RBFOX1: variants seen among roughly 807,000 people sequenced by gnomAD.
The protein encoded by RBFOX1 is RNA binding fox-1 homolog 1, also known as RNA binding protein fox-1 homolog 1.
RBFOX1 carries 8 observed loss-of-function variants against 57.7 expected under a neutral mutation model. That is an observed-to-expected ratio of 0.14 (90% CI 0.08 to 0.25). The LOEUF (loss-of-function observed/expected upper bound fraction) is 0.25, where lower values mean the gene tolerates loss of function less well. Ranked by LOEUF, RBFOX1 falls within the 10% of genes least tolerant of loss-of-function variation. RBFOX1 has a pLI of 1.00. For missense variants in RBFOX1, 611 were observed against 548.5 expected (o/e 1.11, Z -1.14); for synonymous variants, 326 against 222.4 (o/e 1.47, Z -4.15).
At chr16:7,062,892 CATTTTTTTTTTTT>C (rs1359174027) in intron 4 of RBFOX1, among the ~76,000 whole-genome samples, 12 of 59,930 alleles carry the variant, frequency 2.0e-4, no homozygotes, top group African/African-American at 4.3e-4. Flanking sequence ...AAATGATCGC[CATTTTTTTTTTTT>C]TTTTTTTTTT....
intron 3 of RBFOX1, among the ~76,000 whole-genome samples, chr16:5,775,666 C>G (rs950760723): frequency 6.6e-6 from 1 of 152,124 alleles, no homozygotes. Flanking sequence ...CTTCAGGGCT[C>G]CAGGAAACAA....
Position 5,862,807 on chromosome 16 carries a change from A to G in RBFOX1, c.319-4496A>G, listed in dbSNP as rs557634886. Among the ~76,000 whole-genome samples, 5 of 152,308 alleles carry G rather than the reference A, an allele frequency of 3.3e-5. No individual in the cohort carries two copies. In the East Asian group the frequency reaches 7.7e-4, roughly 24 times the overall value. On this transcript the variant is annotated intron_variant, in intron 3 of 19. Coordinates refer to the RBFOX1 transcript ENST00000641259. ...TAACACGACCCTATAAAAGTTATAC[A>G]GGGTAGCCCCACGCTGTTCAGCATG... is the stretch of plus-strand genomic sequence containing the variant.
intron 4 of RBFOX1, among the ~76,000 whole-genome samples, chr16:7,213,760 G>A (rs1457256155): frequency 5.3e-5 from 8 of 152,100 alleles, no homozygotes; most frequent in African/African-American, 1.4e-4. Context: ...CATGAATAAC[G>A]GATAGAGCCA....
chr16:6,577,839 G>A (rs1201110647), intron 2 of RBFOX1, among the ~76,000 whole-genome samples: 2 of 152,150 alleles, frequency 1.3e-5, no homozygotes, highest in Non-Finnish European at 2.9e-5. Context: ...AAACCAGATA[G>A]TGAAGCAGGA....
At chr16:6,812,437 G>C (rs547713165) in intron 3 of RBFOX1, among the ~76,000 whole-genome samples, 38 of 152,124 alleles carry the variant, frequency 2.5e-4, no homozygotes, top group Admixed American at 1.3e-3. Flanking sequence ...GCAGTGGCCC[G>C]ATCTCGGCTC....
rs147198715 is a variant in RBFOX1, at chr16:7,065,246, C to A, written c.27+13148C>A. Among the ~76,000 whole-genome samples the A allele has an allele frequency of 5.6e-4, 85 of 152,254 alleles. No homozygotes were observed. In the East Asian group the frequency reaches 0.016, roughly 29 times the overall value. ...ACTTAGAAATTTTGCTTCTATCTAGCTTTCTTGTAGCGAAGGTAGAAGGTG... is the reference window on the plus strand; with the variant it reads ...ACTTAGAAATTTTGCTTCTATCTAGATTTCTTGTAGCGAAGGTAGAAGGTG... On this transcript the variant is annotated intron_variant, in intron 4 of 15. Transcript: ENST00000550418.
chr16:7,420,882 AAT>A (rs149189616), intron 4 of RBFOX1, among the ~76,000 whole-genome samples: 32,207 of 145,302 alleles, frequency 0.22, 3,654 homozygotes, highest in East Asian at 0.29. Flanking sequence ...TATCTTTTAA[AAT>A]ATATATATAT....
At chr16:7,681,326 C>G (rs2074678644) in intron 14 of RBFOX1, among the ~76,000 whole-genome samples, 1 of 152,020 alleles carries the variant, frequency 6.6e-6, no homozygotes, top group African/African-American at 2.4e-5. Context: ...TCTTTCTGCC[C>G]TCTAATATTT....
At chr16:7,194,929 C>A (rs115989663) in intron 4 of RBFOX1, among the ~76,000 whole-genome samples, 1,799 of 133,386 alleles carry the variant, frequency 0.013, no homozygotes, top group Non-Finnish European at 0.015. Context: ...CCCTGTTTCA[C>A]AAAAAAAAAA....
chr16:6,741,835 G>C (rs1392523758), intron 3 of RBFOX1, among the ~76,000 whole-genome samples: 1 of 152,082 alleles, frequency 6.6e-6, no homozygotes, highest in Non-Finnish European at 1.5e-5. Flanking sequence ...AAACTGGAAG[G>C]GTAAAGGGTT....
At chr16:6,357,079 A>T (rs1249066481) in intron 2 of RBFOX1, among the ~76,000 whole-genome samples, 1 of 152,018 alleles carries the variant, frequency 6.6e-6, no homozygotes, top group Non-Finnish European at 1.5e-5. Flanking sequence ...GGCCAAGGGA[A>T]GCAGCGCTCA....
chr16:7,215,520 G>T (rs1264514552), intron 4 of RBFOX1, among the ~76,000 whole-genome samples: 2 of 152,118 alleles, frequency 1.3e-5, no homozygotes, highest in African/African-American at 4.8e-5. Flanking sequence ...GATTTACACA[G>T]TGCAAAATTC....
intron 3 of RBFOX1, among the ~76,000 whole-genome samples, chr16:6,900,674 C>G (rs900823614): frequency 4.6e-5 from 7 of 152,206 alleles, no homozygotes; most frequent in Non-Finnish European, 7.3e-5. Context: ...ACCAACATCA[C>G]TATTCATTCT....
chr16:5,874,757 A>G (rs191595472), intron 4 of RBFOX1, among the ~76,000 whole-genome samples: 1 of 152,118 alleles, frequency 6.6e-6, no homozygotes, highest in African/African-American at 2.4e-5. Flanking sequence ...CAGCCAGGGC[A>G]TTGTAGCAAG....
intron 2 of RBFOX1, among the ~76,000 whole-genome samples, chr16:6,552,418 A>G (rs931108757): frequency 6.6e-6 from 1 of 152,158 alleles, no homozygotes; most frequent in African/African-American, 2.4e-5. Flanking sequence ...CAGTAATGTC[A>G]TCTGTAAAAT....
chr16:6,505,212 A>T (rs1360709631), intron 2 of RBFOX1, among the ~76,000 whole-genome samples: 2 of 152,126 alleles, frequency 1.3e-5, no homozygotes, highest in Non-Finnish European at 2.9e-5. Flanking sequence ...AAAGCTCTTG[A>T]TTGTCAGTCA....
intron 2 of RBFOX1, among the ~76,000 whole-genome samples, chr16:6,543,536 G>A (rs913442948): frequency 2.6e-5 from 4 of 152,066 alleles, no homozygotes; most frequent in African/African-American, 4.8e-5. Context: ...TGGGCTTTGC[G>A]CTTTTTATAC....
At chr16:5,799,426 G>C (rs897449814) in intron 3 of RBFOX1, among the ~76,000 whole-genome samples, 3 of 152,114 alleles carry the variant, frequency 2.0e-5, no homozygotes, top group African/African-American at 7.2e-5. Context: ...ACAATATACA[G>C]ATGTATGGTC....
chr16:6,613,647 G>C (rs2098101312), intron 2 of RBFOX1, among the ~76,000 whole-genome samples: 1 of 152,198 alleles, frequency 6.6e-6, no homozygotes, highest in Non-Finnish European at 1.5e-5. Flanking sequence ...TAAGCAACTT[G>C]TAGAGTAACA....
Sources: allele counts gnomAD v4.1 joint callset (sites outside exome capture counted in the v4.1 genomes callset), GRCh38; gene constraint gnomAD v4.1.1; transcripts MANE v1.5; gene names NCBI Gene and HGNC (gene_info 2026-07-23, HGNC 2026-07-21).